Variants in CCDC60 observed in about 807,000 individuals in gnomAD.
CCDC60 encodes the protein coiled-coil domain containing 60.
Under a neutral mutation model 63.5 loss-of-function variants are expected in CCDC60, and 54 were observed. The ratio of observed to expected loss-of-function variants is 0.85; its 90% CI spans 0.68 to 1.07. CCDC60 has a LOEUF of 1.07. Ranked by LOEUF, CCDC60 falls within the 50% of genes least tolerant of loss-of-function variation. The probability of loss-of-function intolerance (pLI) is 0.00; values close to 1 mark genes in which losing one functional copy is unlikely to be tolerated. For synonymous variants in CCDC60, 206 were observed against 238.8 expected, an observed-to-expected ratio of 0.86 and a Z score of 1.27; for missense variants, 651 against 684.3, an observed-to-expected ratio of 0.95 and a Z score of 0.54.
At chr12:119,503,716 T>C (rs1951916281) in intron 6 of CCDC60, among the ~76,000 whole-genome samples, 2 of 152,168 alleles carry the variant, frequency 1.3e-5, no homozygotes. Flanking sequence ...GTTCCACCCA[T>C]AGTCAGTGCC....
intron 1 of CCDC60, among the ~76,000 whole-genome samples, chr12:119,423,749 G>A (rs1215927725): frequency 6.6e-6 from 1 of 152,118 alleles, no homozygotes; most frequent in Admixed American, 6.6e-5. Context: ...TGACTTTTGA[G>A]CTCTTCCAGC....
At chr12:119,444,326 T>C (rs1271384134) in intron 2 of CCDC60, among the ~76,000 whole-genome samples, 1 of 152,208 alleles carries the variant, frequency 6.6e-6, no homozygotes, top group Non-Finnish European at 1.5e-5. Flanking sequence ...GTAGAGCCAA[T>C]GGCTTGAATC....
rs949787862 is a variant in CCDC60 at position 119,473,654 on chromosome 12, G to C, written c.341+1490G>C. The stretch of plus-strand genomic sequence containing the variant: ...CCAGAGTCCATTATATCATTCTTTT[G>C]CCTTTGCATCCTCATAGCTTAGCTC... On this transcript the variant is annotated intron_variant, in intron 3 of 13. Transcript: ENST00000327554. Among the ~76,000 whole-genome samples, 9 of 151,966 alleles carry C rather than the reference G, an allele frequency of 5.9e-5. No homozygotes were observed. In the South Asian group the frequency reaches 1.7e-3, roughly 28 times the overall value.
At chr12:119,455,927 A>AGGAT (rs1555245296) in intron 2 of CCDC60, among the ~76,000 whole-genome samples, 1 of 92,908 alleles carries the variant, frequency 1.1e-5, no homozygotes, top group Non-Finnish European at 2.2e-5. Context: ...GGAGGAAAGA[A>AGGAT]AGAAAGAGAA....
At chr12:119,381,897 A>G (rs1360793847) in intron 1 of CCDC60, among the ~76,000 whole-genome samples, 2 of 152,252 alleles carry the variant, frequency 1.3e-5, no homozygotes, top group Non-Finnish European at 2.9e-5. Flanking sequence ...TGCTACAACC[A>G]GAGACCCTTT....
chr12:119,524,716 CTTTTCT>C lies in CCDC60; in HGVS notation c.1229+903_1229+908del, dbSNP rs1371230310. ...AGGAAACAGCAGTTTCTTTTCTTTTCTTTTCTTTTTTTTTTTTTTTTTTTGAGACAG... is the reference window on the plus strand; with the variant it reads ...AGGAAACAGCAGTTTCTTTTCTTTTCTTTTTTTTTTTTTTTTTTGAGACAG... On this transcript the variant is annotated intron_variant, in intron 11 of 13. Coordinates refer to ENST00000327554, the MANE Select transcript of CCDC60 (RefSeq NM_178499.5). 5.5e-5 allele frequency among the ~76,000 whole-genome samples: 5 copies of C among 90,594 alleles called. 1 individual carries two copies. Among genetic ancestry groups the C allele is most frequent in the African/African-American group, 2.7e-4 (5 of 18,828 alleles). The allele number at this position is 90,594 out of a possible 152,430, so 59.4% of individuals were successfully genotyped here.
intron 2 of CCDC60, among the ~76,000 whole-genome samples, chr12:119,443,544 G>A (rs1169014425): frequency 2.6e-5 from 4 of 152,188 alleles, no homozygotes; most frequent in African/African-American, 4.8e-5. Context: ...TTTCCAACCC[G>A]CAACCTACAA....
intron 2 of CCDC60, among the ~76,000 whole-genome samples, chr12:119,458,628 C>A (rs1450872545): frequency 6.6e-6 from 1 of 152,120 alleles, no homozygotes; most frequent in Non-Finnish European, 1.5e-5. Context: ...GATGTTCAAT[C>A]CTAGTTTTCT....
rs577436648 is a variant in CCDC60, at chr12:119,466,994, C to T, written c.171-5000C>T. On this transcript the variant is annotated intron_variant, in intron 2 of 13. Transcript: ENST00000327554. The stretch of plus-strand genomic sequence containing the variant: ...TTACTGCCCCTTTCTATGGCAATGA[C>T]ACAATGACCCAAAAGTTACCACCTT... 5.1e-4 allele frequency among the ~76,000 whole-genome samples: 78 copies of T among 152,306 alleles called. 1 individual carries two copies. In the South Asian group the frequency reaches 0.016, roughly 31 times the overall value.
chr12:119,418,085 T>G (rs1956735493), intron 1 of CCDC60, among the ~76,000 whole-genome samples: 1 of 151,424 alleles, frequency 6.6e-6, no homozygotes. Context: ...ACCCTTAACT[T>G]AAATTCACAA....
chr12:119,484,832 TGCAGAGC>T (rs1174653731), intron 4 of CCDC60, among the ~76,000 whole-genome samples: 1 of 152,246 alleles, frequency 6.6e-6, no homozygotes, highest in Non-Finnish European at 1.5e-5. Flanking sequence ...GCTGACTCTG[TGCAGAGC>T]ACAGAGCACC....
chr12:119,365,992 C>T (rs558919912), intron 1 of CCDC60, among the ~76,000 whole-genome samples: 1 of 152,230 alleles, frequency 6.6e-6, no homozygotes, highest in South Asian at 2.1e-4. Context: ...GGAGTCCTGG[C>T]CTCACAGTAA....
intron 4 of CCDC60, among the ~76,000 whole-genome samples, chr12:119,481,097 T>A (rs1019090721): frequency 6.6e-6 from 1 of 151,966 alleles, no homozygotes; most frequent in Non-Finnish European, 1.5e-5. Flanking sequence ...ATCATCATCA[T>A]CACATTGTGT....
At chr12:119,346,821 TTTC>T (rs1955600960) in intron 1 of CCDC60, among the ~76,000 whole-genome samples, 12 of 135,628 alleles carry the variant, frequency 8.8e-5, no homozygotes, top group Admixed American at 3.7e-4. Flanking sequence ...TCTTTCTTTC[TTTC>T]TTTCTTTCTT....
At chr12:119,528,075 C>A in intron 11 of CCDC60, among the ~76,000 whole-genome samples, 1 of 151,830 alleles carries the variant, frequency 6.6e-6, no homozygotes, top group South Asian at 2.1e-4. Flanking sequence ...TAATTTAGAG[C>A]CTTAGAGAAG....
At chr12:119,473,159 C>A (rs1178249321) in intron 3 of CCDC60, among the ~76,000 whole-genome samples, 1 of 152,152 alleles carries the variant, frequency 6.6e-6, no homozygotes, top group Non-Finnish European at 1.5e-5. Context: ...CTCTGAGTCC[C>A]AAACTTAGTG....
At chr12:119,361,517 G>GA (rs978900705) in intron 1 of CCDC60, among the ~76,000 whole-genome samples, 3 of 150,620 alleles carry the variant, frequency 2.0e-5, no homozygotes, top group South Asian at 2.1e-4. Flanking sequence ...GAACAGCAGG[G>GA]AAAAAAAAAT....
chr12:119,343,600 A>G (rs1955554441), intron 1 of CCDC60, among the ~76,000 whole-genome samples: 1 of 151,836 alleles, frequency 6.6e-6, no homozygotes, highest in African/African-American at 2.4e-5. Flanking sequence ...TGTTGGAAAG[A>G]ACATTTATAA....
intron 3 of CCDC60, among the ~76,000 whole-genome samples, chr12:119,476,431 A>G (rs906280903): frequency 1.1e-4 from 17 of 152,146 alleles, no homozygotes; most frequent in Admixed American, 3.9e-4. Context: ...CAGCTCTAGG[A>G]TTGAATAAAG....
Sources: gnomAD v4.1 joint callset for allele counts (sites outside exome capture counted in the v4.1 genomes callset) on GRCh38, gnomAD v4.1.1 for gene constraint, MANE v1.5 for transcripts, NCBI Gene and HGNC (gene_info 2026-07-23, HGNC 2026-07-21) for gene names.